ZNF503: variants seen among roughly 807,000 people sequenced by gnomAD.
ZNF503 encodes the protein zinc finger protein 503, also known as NocA-like zinc finger 2.
ZNF503 carries 15 observed loss-of-function variants against 34.4 expected under a neutral mutation model. The ratio of observed to expected loss-of-function variants is 0.44; its 90% CI spans 0.29 to 0.67. The LOEUF (loss-of-function observed/expected upper bound fraction) is 0.67, where lower values mean the gene tolerates loss of function less well. Ranked by LOEUF, ZNF503 falls within the 30% of genes least tolerant of loss-of-function variation. The probability of loss-of-function intolerance (pLI) is 0.13; values close to 1 mark genes in which losing one functional copy is unlikely to be tolerated. For synonymous variants in ZNF503, 580 were observed against 456.8 expected, an observed-to-expected ratio of 1.27 and a Z score of -3.44; for missense variants, 1,007 against 926.8, an observed-to-expected ratio of 1.09 and a Z score of -1.12.
At chr10:75,300,704 C>CTTTTTTTTTTTTTTT in the ZNF503 span, among the ~76,000 whole-genome samples, 16 of 108,734 alleles carry the variant, frequency 1.5e-4, no homozygotes, top group South Asian at 3.1e-4. Context: ...TTCTTTCTTT[C>CTTTTTTTTTTTTTTT]TTTTTTTTTT....
the ZNF503 span, among the ~76,000 whole-genome samples, chr10:75,318,178 T>A: frequency 6.6e-6 from 1 of 152,182 alleles, no homozygotes; most frequent in African/African-American, 2.4e-5. Flanking sequence ...AACATCATAT[T>A]GTATGCCTTA....
At chr10:75,352,523 G>A in the ZNF503 span, among the ~76,000 whole-genome samples, 1 of 152,160 alleles carries the variant, frequency 6.6e-6, no homozygotes, top group Non-Finnish European at 1.5e-5. Context: ...CCCAAGGTTC[G>A]GTGAAGACTT....
the ZNF503 span, among the ~76,000 whole-genome samples, chr10:75,377,978 A>T: frequency 6.6e-6 from 1 of 152,318 alleles, no homozygotes. Flanking sequence ...TTACATGGCC[A>T]GAACAGGAGG....
chr10:75,363,004 G>A, the ZNF503 span, among the ~76,000 whole-genome samples: 3 of 152,124 alleles, frequency 2.0e-5, no homozygotes, highest in Non-Finnish European at 4.4e-5. Context: ...GGGTTTAAGT[G>A]TCAGCCCTCC....
the ZNF503 span, among the ~76,000 whole-genome samples, chr10:75,325,784 T>C: frequency 6.6e-6 from 1 of 152,048 alleles, no homozygotes; most frequent in African/African-American, 2.4e-5. Flanking sequence ...TCTTCTTTGA[T>C]TTCTTTTGTC....
the ZNF503 span, among the ~76,000 whole-genome samples, chr10:75,314,606 CAGAG>C: frequency 6.6e-6 from 1 of 152,024 alleles, no homozygotes; most frequent in South Asian, 2.1e-4. Flanking sequence ...AAGGTGAACA[CAGAG>C]AGAAAGATAT....
chr10:75,392,515 A>T, the ZNF503 span, among the ~76,000 whole-genome samples: 1 of 152,194 alleles, frequency 6.6e-6, no homozygotes, highest in Non-Finnish European at 1.5e-5. Context: ...AAAGGGAAAA[A>T]GGAAGGCATT....
Position 75,401,213 on chromosome 10 carries a change from G to A in ZNF503, c.207C>T (p.Ala69=). Residue 69 remains alanine (A), a synonymous_variant, in exon 1 of 2, where the codon GCC becomes GCT. Transcript: ENST00000372524. The part of the protein sequence containing the change: ...AVPPSDPLRQ[A]NRLPIKVLKM... ...TCAGCACCTTGATTGGCAGGCGGTT[G>A]GCCTGGCGCAGGGGGTCAGAGGGGG... 2 of 1,608,056 alleles carry A rather than the reference G, an allele frequency of 1.2e-6. No individual in the cohort carries two copies. The highest frequency in any genetic ancestry group is 1.7e-6 in the Non-Finnish European group (2 of 1,176,692).
the ZNF503 span, among the ~76,000 whole-genome samples, chr10:75,378,291 C>A: frequency 1.3e-5 from 2 of 152,132 alleles, no homozygotes; most frequent in Admixed American, 6.5e-5. Flanking sequence ...ACCCCCATCC[C>A]CAACTGGCTT....
At chr10:75,339,222 C>T in the ZNF503 span, among the ~76,000 whole-genome samples, 880 of 152,168 alleles carry the variant, frequency 5.8e-3, 8 homozygotes, top group African/African-American at 0.02. Flanking sequence ...CAGAGCGAGA[C>T]TCCGTCTCAA....
At chr10:75,297,337 CCT>C in the ZNF503 span, among the ~76,000 whole-genome samples, 1 of 152,178 alleles carries the variant, frequency 6.6e-6, no homozygotes, top group Non-Finnish European at 1.5e-5. Context: ...CACCTTCCTT[CCT>C]CTACAGCTAT....
At chr10:75,298,917 C>T in the ZNF503 span, 1 of 150,606 alleles carries the variant, frequency 6.6e-6, no homozygotes, top group Admixed American at 6.6e-5. Flanking sequence ...ACCTACCATG[C>T]TTGGTGTATG....
the ZNF503 span, among the ~76,000 whole-genome samples, chr10:75,332,807 A>G: frequency 6.8e-6 from 1 of 146,108 alleles, no homozygotes; most frequent in African/African-American, 2.6e-5. Context: ...GTCACAGATC[A>G]ACAGGATCCC....
At chr10:75,341,651 C>T in the ZNF503 span, among the ~76,000 whole-genome samples, 6 of 152,016 alleles carry the variant, frequency 3.9e-5, no homozygotes, top group South Asian at 2.1e-4. Flanking sequence ...TATTTATAAG[C>T]GAACACCCAT....
chr10:75,281,896 A>C, the ZNF503 span, among the ~76,000 whole-genome samples: 1 of 152,220 alleles, frequency 6.6e-6, no homozygotes, highest in African/African-American at 2.4e-5. Flanking sequence ...AAGGGAACCA[A>C]ATTTCCAAAA....
At chr10:75,326,904 C>T in the ZNF503 span, among the ~76,000 whole-genome samples, 1 of 151,878 alleles carries the variant, frequency 6.6e-6, no homozygotes, top group Admixed American at 6.6e-5. Context: ...AGGCTGGTCT[C>T]CAACTCCTGA....
In ZNF503 at chr10:75,398,949, G is replaced by C. The variant is rs757138366; in HGVS notation, c.1741C>G (p.Pro581Ala). 1.1e-5 allele frequency: 17 copies of C among 1,600,108 alleles called. No homozygotes were observed. In the Admixed American group the frequency reaches 2.7e-4, roughly 25 times the overall value. The change falls in exon 2 of 2, where the codon CCG becomes GCG. Residue 581 changes from proline to alanine, a missense_variant. Physicochemically the swap from Pro to Ala is conservative, Grantham distance 27. Coordinates refer to ENST00000372524, the MANE Select transcript of ZNF503 (RefSeq NM_032772.6). ...AGCGCCAGCGTCCCAGGGCTGCCCG[G>C]TGCGCCCGAGGTGGGGATGTGCATG... ...CHMHIPTSGA[P>A]GSPGTLALRS...
At chr10:75,312,479 T>C in the ZNF503 span, among the ~76,000 whole-genome samples, 1 of 152,086 alleles carries the variant, frequency 6.6e-6, no homozygotes, top group Non-Finnish European at 1.5e-5. Flanking sequence ...TTCAGGGACA[T>C]GTAGGTATAT....
the ZNF503 span, among the ~76,000 whole-genome samples, chr10:75,324,328 GT>G: frequency 1.4e-4 from 21 of 148,138 alleles, no homozygotes; most frequent in African/African-American, 4.0e-4. Flanking sequence ...TTGTTTTTCT[GT>G]TTTTTTTTTG....
Sources: allele counts gnomAD v4.1 joint callset (sites outside exome capture counted in the v4.1 genomes callset), GRCh38; gene constraint gnomAD v4.1.1; transcripts MANE v1.5; gene names NCBI Gene and HGNC (gene_info 2026-07-23, HGNC 2026-07-21).